PCDHA4: variants seen among roughly 807,000 people sequenced by gnomAD.
PCDHA4 encodes the protein protocadherin alpha-4.
In PCDHA4, 49 loss-of-function variants were observed where a neutral mutation model predicts 61.4. That is an observed-to-expected ratio of 0.80 (90% CI 0.63 to 1.01). The LOEUF is 1.01. PCDHA4 is among the 50% of genes least tolerant of loss of function. The pLI is 0.00. For missense variants in PCDHA4, 1,254 were observed against 1,235.8 expected, an observed-to-expected ratio of 1.01 and a Z score of -0.22; for synonymous variants, 590 against 550.3, an observed-to-expected ratio of 1.07 and a Z score of -1.01.
chr5:140,856,524 C>G, intron 1 of PCDHA4: 1 of 1,598,296 alleles, frequency 6.3e-7, no homozygotes, highest in Non-Finnish European at 8.6e-7. Context: ...GCATCTGATG[C>G]GGATGTTGGA....
intron 1 of PCDHA4, chr5:140,863,340 G>T: frequency 7.4e-7 from 1 of 1,360,462 alleles, no homozygotes. Flanking sequence ...TCACGTTGCT[G>T]CTGTACACGA....
intron 1 of PCDHA4, chr5:140,830,562 T>G (rs1411985813): frequency 4.0e-6 from 4 of 990,432 alleles, no homozygotes; most frequent in Admixed American, 6.9e-5. Context: ...GTCTTCTATA[T>G]TTCTGTTTTT....
At chr5:140,856,434 C>G (rs551569829) in intron 1 of PCDHA4, 1 of 1,598,320 alleles carries the variant, frequency 6.3e-7, no homozygotes, top group South Asian at 1.1e-5. Context: ...AACGACAACC[C>G]GCCCAGGTTC....
rs1266651704 is a variant in PCDHA4, at chr5:140,877,267, G to A, written c.2385+67695G>A. ...GGTGGCGAAAGTGCGCGCGGTGGAC[G>A]CTGACTCCGGCTATAACGCTTGGCT... On this transcript the variant is annotated intron_variant, in intron 1 of 3. Coordinates refer to ENST00000530339, the MANE Select transcript of PCDHA4 (RefSeq NM_018907.4). 1.2e-5 allele frequency: 20 copies of A among 1,613,680 alleles called. No homozygotes were observed. Among genetic ancestry groups the A allele is most frequent in the Admixed American group, 6.7e-5 (4 of 59,982 alleles).
chr5:140,823,556 G>A (rs2150126875), intron 1 of PCDHA4: 5 of 1,613,888 alleles, frequency 3.1e-6, no homozygotes, highest in Non-Finnish European at 3.4e-6. Context: ...GCGAAGGTGC[G>A]CGCAGTGGAC....
intron 1 of PCDHA4, among the ~76,000 whole-genome samples, chr5:140,900,492 G>A (rs2068087412): frequency 6.6e-6 from 1 of 152,174 alleles, no homozygotes; most frequent in African/African-American, 2.4e-5. Flanking sequence ...GGTCAGACTG[G>A]TCTCAAATTC....
intron 1 of PCDHA4, chr5:140,966,954 G>T (rs782541612): frequency 6.2e-7 from 1 of 1,601,606 alleles, no homozygotes; most frequent in Non-Finnish European, 8.5e-7. Flanking sequence ...AACGTGGCTC[G>T]CGCGCTGGGG....
intron 1 of PCDHA4, chr5:140,857,302 G>T: frequency 6.3e-7 from 1 of 1,598,652 alleles, no homozygotes; most frequent in Non-Finnish European, 8.6e-7. Flanking sequence ...AGAGGGTGTC[G>T]GCCTATGAGC....
chr5:140,928,399 T>C (rs1554205848), intron 1 of PCDHA4: 1 of 1,613,926 alleles, frequency 6.2e-7, no homozygotes, highest in African/African-American at 1.3e-5. Flanking sequence ...AGTGGAATCA[T>C]CCAGTGGGGC....
rs2150368391 is a variant in PCDHA4 at position 140,844,038 on chromosome 5, G to A, written c.2385+34466G>A. On this transcript the variant is annotated intron_variant, in intron 1 of 3. Transcript: ENST00000530339. ...CGTTCAGGGCATTTTGATCTTTGGT[G>A]AAAGTATTCCCCCAAAGCGTTTATT... 1.1e-4 allele frequency among the ~76,000 whole-genome samples: 17 copies of A among 149,594 alleles called. 2 individuals are homozygous for A. Among genetic ancestry groups the A allele is most frequent in the South Asian group, 2.1e-4 (1 of 4,726 alleles).
chr5:140,893,338 T>C (rs1409461265), intron 1 of PCDHA4, among the ~76,000 whole-genome samples: 1 of 152,174 alleles, frequency 6.6e-6, no homozygotes, highest in African/African-American at 2.4e-5. Context: ...TTTTCCTTAG[T>C]GGCAGTGCTA....
intron 1 of PCDHA4, chr5:140,856,974 T>C: frequency 6.3e-7 from 1 of 1,594,506 alleles, no homozygotes; most frequent in African/African-American, 1.3e-5. Context: ...GCTATTGACT[T>C]TGAGGACAGT....
intron 1 of PCDHA4, chr5:140,823,318 A>G (rs145418999): frequency 1.8e-5 from 29 of 1,611,994 alleles, no homozygotes; most frequent in Non-Finnish European, 2.4e-5. Context: ...GGAGAGCGGC[A>G]AGGTGTACGC....
At chr5:140,836,073 G>C in intron 1 of PCDHA4, 1 of 1,613,652 alleles carries the variant, frequency 6.2e-7, no homozygotes. Flanking sequence ...CAACGCGCCG[G>C]CACTGCTGGC....
chr5:140,809,486 A>G lies in PCDHA4; in HGVS notation c.2299A>G (p.Thr767Ala). The G allele has an allele frequency of 6.2e-7, 1 of 1,614,232 alleles. No individual in the cohort carries two copies. Among genetic ancestry groups the G allele is most frequent in the Non-Finnish European group, 8.5e-7 (1 of 1,180,024 alleles). The change falls in exon 1 of 4, where the codon ACC becomes GCC. Residue 767 changes from threonine (T) to alanine (A), a missense_variant. By Grantham distance (58) the Thr-to-Ala change is moderately conservative. Transcript: ENST00000530339. ...GTGCTCTGGTGAGGGCCCACCCAAG[A>G]CCGACCTCATGGCCTTCAGCCCCAG... Reference protein sequence around the residue: ...RVCSGEGPPKTDLMAFSPSLP... With the variant: ...RVCSGEGPPKADLMAFSPSLP...
chr5:140,953,127 G>A (rs909395659), intron 1 of PCDHA4, among the ~76,000 whole-genome samples: 2 of 152,060 alleles, frequency 1.3e-5, no homozygotes, highest in African/African-American at 4.8e-5. Flanking sequence ...GATCTAAACC[G>A]TATCACTGTT....
intron 1 of PCDHA4, chr5:140,856,523 G>A (rs1554148798): frequency 6.3e-7 from 1 of 1,598,526 alleles, no homozygotes; most frequent in Admixed American, 1.7e-5. Context: ...CGCATCTGAT[G>A]CGGATGTTGG....
rs534304787 is a variant in PCDHA4, at chr5:140,885,393, TA to T, written c.2385+75823del. Among the ~76,000 whole-genome samples the T allele has an allele frequency of 3.1e-3, 468 of 152,312 alleles. 3 individuals carry two copies. Among genetic ancestry groups the T allele is most frequent in the Middle Eastern group, 0.014 (4 of 294 alleles). The stretch of plus-strand genomic sequence containing the variant: ...TACCTTTTGGCAGTCCCTGCAAATC[TA>T]ATGGTTTTAATAGCTGTGTAGTATT... On this transcript the variant is annotated intron_variant, in intron 1 of 3. Transcript: ENST00000530339.
At chr5:140,833,940 T>A (rs2150212257) in intron 1 of PCDHA4, among the ~76,000 whole-genome samples, 16 of 152,236 alleles carry the variant, frequency 1.1e-4, no homozygotes, top group Non-Finnish European at 1.9e-4. Context: ...GTCACTTAGG[T>A]TTCTATCTTT....
Sources: allele counts gnomAD v4.1 joint callset (sites outside exome capture counted in the v4.1 genomes callset), GRCh38; gene constraint gnomAD v4.1.1; transcripts MANE v1.5; gene names NCBI Gene and HGNC (gene_info 2026-07-23, HGNC 2026-07-21).